C9orf85: variants seen among roughly 807,000 people sequenced by gnomAD.
The protein encoded by C9orf85 is uncharacterized protein C9orf85.
C9orf85 carries 16 observed loss-of-function variants against 14.9 expected under a neutral mutation model. That is an observed-to-expected ratio of 1.08 (90% CI 0.73 to 1.63). The LOEUF (loss-of-function observed/expected upper bound fraction) is 1.63. Among genes scored for constraint, C9orf85 ranks in the 40% most tolerant of loss-of-function variants. The pLI is 0.00. For synonymous variants in C9orf85, 45 were observed against 56.8 expected, an observed-to-expected ratio of 0.79 and a Z score of 0.93; for missense variants, 172 against 186.1, an observed-to-expected ratio of 0.92 and a Z score of 0.44.
chr9:71,982,240 T>C (rs1823109740), intron 3 of C9orf85, among the ~76,000 whole-genome samples: 1 of 152,198 alleles, frequency 6.6e-6, no homozygotes, highest in South Asian at 2.1e-4. Context: ...ATCATTTTTT[T>C]TTTTTCTGAA....
chr9:71,966,208 A>T (rs772768459), intron 2 of C9orf85, among the ~76,000 whole-genome samples: 2 of 152,204 alleles, frequency 1.3e-5, no homozygotes, highest in African/African-American at 4.8e-5. Flanking sequence ...TGTTCTGACC[A>T]TGAGGCATGC....
chr9:71,949,876 A>G (rs373978799), intron 2 of C9orf85, among the ~76,000 whole-genome samples: 1 of 152,172 alleles, frequency 6.6e-6, no homozygotes, highest in South Asian at 2.1e-4. Context: ...CTCTAGGTAT[A>G]GGAAGGGCAC....
chr9:71,918,815 A>G (rs544436906), intron 1 of C9orf85, among the ~76,000 whole-genome samples: 1 of 152,278 alleles, frequency 6.6e-6, no homozygotes, highest in East Asian at 1.9e-4. Flanking sequence ...CAATGATTCT[A>G]CATTATGGTT....
chr9:71,940,442 A>G (rs1449260482), intron 1 of C9orf85, among the ~76,000 whole-genome samples: 3 of 152,180 alleles, frequency 2.0e-5, no homozygotes, highest in Non-Finnish European at 2.9e-5. Context: ...TCTTAAAGAA[A>G]CAAACAAACA....
chr9:71,965,260 C>T (rs1469396013), intron 2 of C9orf85, among the ~76,000 whole-genome samples: 1 of 152,190 alleles, frequency 6.6e-6, no homozygotes, highest in Non-Finnish European at 1.5e-5. Flanking sequence ...TTGGCTATTT[C>T]TTTACCTCCT....
chr9:71,928,947 A>T (rs149363206), intron 1 of C9orf85, among the ~76,000 whole-genome samples: 1 of 152,170 alleles, frequency 6.6e-6, no homozygotes, highest in Non-Finnish European at 1.5e-5. Context: ...GGCAGGTCAC[A>T]TGTGAATACT....
intron 1 of C9orf85, among the ~76,000 whole-genome samples, chr9:71,925,403 C>G (rs1274107634): frequency 1.3e-5 from 2 of 152,068 alleles, no homozygotes; most frequent in African/African-American, 4.8e-5. Flanking sequence ...GCCTATAATC[C>G]CAGCTACTTG....
chr9:71,943,176 C>T (rs1396694946), intron 1 of C9orf85, among the ~76,000 whole-genome samples: 1 of 151,946 alleles, frequency 6.6e-6, no homozygotes, highest in Non-Finnish European at 1.5e-5. Context: ...AAGAACAAAG[C>T]CAGTTTATGG....
At chr9:71,985,552 G>T (rs1823196345), downstream of C9orf85, 1 of 152,244 alleles carries the variant, frequency 6.6e-6, no homozygotes, top group South Asian at 2.1e-4. Flanking sequence ...CTGATTATTT[G>T]ACAAAAGTTT....
intron 1 of C9orf85, among the ~76,000 whole-genome samples, chr9:71,938,665 T>C (rs1828252524): frequency 6.6e-6 from 1 of 151,968 alleles, no homozygotes; most frequent in Admixed American, 6.6e-5. Flanking sequence ...TATTTTTTAC[T>C]ATGAGATTTT....
At chr9:71,980,229 G>A (rs1397719198) in intron 3 of C9orf85, among the ~76,000 whole-genome samples, 1 of 151,988 alleles carries the variant, frequency 6.6e-6, no homozygotes, top group Non-Finnish European at 1.5e-5. Flanking sequence ...GGCCAGGCTG[G>A]TCTCGAACTC....
intron 1 of C9orf85, among the ~76,000 whole-genome samples, chr9:71,945,678 G>A (rs1005164895): frequency 1.3e-5 from 2 of 152,012 alleles, no homozygotes; most frequent in Admixed American, 6.6e-5. Context: ...AATATCAAGC[G>A]CTGTTCAAAA....
At chr9:71,980,361 A>G (rs1051507648) in intron 3 of C9orf85, among the ~76,000 whole-genome samples, 8 of 152,088 alleles carry the variant, frequency 5.3e-5, no homozygotes, top group African/African-American at 1.9e-4. Context: ...TTTTGCCATT[A>G]TGAAGAAAAA....
chr9:71,937,386 A>C (rs950963131), intron 1 of C9orf85, among the ~76,000 whole-genome samples: 2 of 152,204 alleles, frequency 1.3e-5, no homozygotes, highest in African/African-American at 4.8e-5. Flanking sequence ...GCATAATTGC[A>C]ACTGAATAGC....
intron 2 of C9orf85, among the ~76,000 whole-genome samples, chr9:71,959,673 A>G (rs1589266247): frequency 2.6e-5 from 4 of 152,316 alleles, no homozygotes; most frequent in Admixed American, 2.6e-4. Flanking sequence ...ATAGAACCAA[A>G]ATAATACCTG....
At chr9:71,975,990 C>T (rs1365044254), downstream of C9orf85, among the ~76,000 whole-genome samples, 1 of 152,242 alleles carries the variant, frequency 6.6e-6, no homozygotes, top group Non-Finnish European at 1.5e-5. Flanking sequence ...ACTAATTCCT[C>T]AGATGACTTT....
At chr9:71,956,987 C>G (rs1475369788) in intron 2 of C9orf85, among the ~76,000 whole-genome samples, 1 of 144,254 alleles carries the variant, frequency 6.9e-6, no homozygotes, top group African/African-American at 2.5e-5. Flanking sequence ...TGAAGACTGA[C>G]TTTTTTTTTT....
intron 1 of C9orf85, among the ~76,000 whole-genome samples, chr9:71,940,534 T>C (rs997896499): frequency 1.3e-5 from 2 of 152,178 alleles, no homozygotes; most frequent in African/African-American, 4.8e-5. Context: ...GAAATCGTAA[T>C]GAAATAATAC....
chr9:71,974,209 G>A (rs1282336846), downstream of C9orf85, among the ~76,000 whole-genome samples: 3 of 150,694 alleles, frequency 2.0e-5, no homozygotes, highest in Non-Finnish European at 4.4e-5. Context: ...TTACAGGTGT[G>A]AGCCACCATG....
Sources: gnomAD v4.1 joint callset for allele counts (sites outside exome capture counted in the v4.1 genomes callset) on GRCh38, gnomAD v4.1.1 for gene constraint, MANE v1.5 for transcripts, NCBI Gene and HGNC (gene_info 2026-07-23, HGNC 2026-07-21) for gene names.